Variants in ROBO1 observed in about 807,000 individuals in gnomAD.
ROBO1 encodes roundabout homolog 1.
A neutral mutation model predicts 195.9 loss-of-function variants in ROBO1; 149 were observed. That is an observed-to-expected ratio of 0.76 (90% CI 0.67 to 0.87). The LOEUF (loss-of-function observed/expected upper bound fraction) is 0.87. ROBO1 is among the 40% of genes least tolerant of loss of function. The pLI, the probability that ROBO1 is intolerant of heterozygous loss-of-function variation, is 0.00. For synonymous variants in ROBO1, 816 were observed against 733.2 expected, an observed-to-expected ratio of 1.11 and a Z score of -1.82; for missense variants, 1,933 against 2,068.3, an observed-to-expected ratio of 0.93 and a Z score of 1.27.
At chr3:79,033,068 A>G (rs1220758459) in intron 3 of ROBO1, among the ~76,000 whole-genome samples, 1 of 152,084 alleles carries the variant, frequency 6.6e-6, no homozygotes, top group Non-Finnish European at 1.5e-5. Flanking sequence ...ACAAATTTCA[A>G]AACTCCTAAG....
intron 4 of ROBO1, among the ~76,000 whole-genome samples, chr3:78,781,104 C>T (rs1230741666): frequency 1.3e-5 from 2 of 152,148 alleles, no homozygotes; most frequent in African/African-American, 4.8e-5. Flanking sequence ...AATATCACTA[C>T]TCTAAAACAA....
chr3:79,268,398 T>A (rs76950698), intron 2 of ROBO1, among the ~76,000 whole-genome samples: 5,664 of 151,686 alleles, frequency 0.037, 130 homozygotes, highest in Middle Eastern at 0.061. Flanking sequence ...ACATTTTCAT[T>A]TAAATATTTG....
chr3:79,393,937 G>T (rs1051420038), intron 2 of ROBO1, among the ~76,000 whole-genome samples: 3 of 152,074 alleles, frequency 2.0e-5, no homozygotes, highest in African/African-American at 7.2e-5. Context: ...TAGAAAAAAA[G>T]AATCCTGCAG....
intron 7 of ROBO1, 136 bp from the exon 8 acceptor site, chr3:78,714,660 C>A: frequency 1.4e-6 from 1 of 712,082 alleles, no homozygotes; most frequent in Non-Finnish European, 2.1e-6. Flanking sequence ...CATGGTATTC[C>A]TCTAAGTCAG....
chr3:79,352,608 G>A (rs2035387249), intron 2 of ROBO1, among the ~76,000 whole-genome samples: 1 of 152,140 alleles, frequency 6.6e-6, no homozygotes, highest in Non-Finnish European at 1.5e-5. Flanking sequence ...GAAGTGCTCT[G>A]TCACTACGAA....
chr3:78,757,846 C>G (rs1453031742), intron 4 of ROBO1, among the ~76,000 whole-genome samples: 1 of 152,164 alleles, frequency 6.6e-6, no homozygotes, highest in Non-Finnish European at 1.5e-5. Context: ...GACAGTCTGC[C>G]CTAAATCACT....
intron 1 of ROBO1, among the ~76,000 whole-genome samples, chr3:79,698,579 C>G (rs1947515532): frequency 6.6e-6 from 1 of 151,436 alleles, no homozygotes; most frequent in African/African-American, 2.4e-5. Flanking sequence ...CCTAAAGGTT[C>G]AATTGTGAAA....
At chr3:78,872,148 T>C (rs559892689) in intron 4 of ROBO1, among the ~76,000 whole-genome samples, 1 of 152,308 alleles carries the variant, frequency 6.6e-6, no homozygotes, top group African/African-American at 2.4e-5. Flanking sequence ...TGATTACATA[T>C]ACTCTAGCCT....
chr3:78,992,374 C>T (rs1049878290), intron 3 of ROBO1, among the ~76,000 whole-genome samples: 54 of 152,082 alleles, frequency 3.6e-4, no homozygotes, highest in African/African-American at 1.2e-3. Context: ...GAAGGGCTTA[C>T]ATTGTTAAGC....
intron 2 of ROBO1, among the ~76,000 whole-genome samples, chr3:79,156,157 C>G (rs2080854552): frequency 6.6e-6 from 1 of 151,460 alleles, no homozygotes; most frequent in Non-Finnish European, 1.5e-5. Flanking sequence ...TTTATTCTGC[C>G]CATCTCTGCT....
intron 4 of ROBO1, among the ~76,000 whole-genome samples, chr3:78,802,148 G>A (rs1474720785): frequency 1.3e-5 from 2 of 152,138 alleles, no homozygotes; most frequent in Non-Finnish European, 2.9e-5. Context: ...ATGAGAAGCA[G>A]AAAAGTTACA....
chr3:79,385,518 T>C (rs1559861948), intron 2 of ROBO1, among the ~76,000 whole-genome samples: 1 of 152,136 alleles, frequency 6.6e-6, no homozygotes, highest in Non-Finnish European at 1.5e-5. Flanking sequence ...ATGTGTTATC[T>C]TTCCGCAAGA....
chr3:79,600,181 A>G (rs531921979), intron 1 of ROBO1, among the ~76,000 whole-genome samples: 1 of 152,190 alleles, frequency 6.6e-6, no homozygotes, highest in East Asian at 1.9e-4. Context: ...ATCCTAGCTA[A>G]AGTGAATTCA....
At chr3:78,669,079 T>G (rs551947504) in intron 11 of ROBO1, among the ~76,000 whole-genome samples, 1 of 152,200 alleles carries the variant, frequency 6.6e-6, no homozygotes, top group Non-Finnish European at 1.5e-5. Context: ...TTAAAACTTG[T>G]AACTTAAGGC....
chr3:78,965,523 C>T lies in ROBO1; in HGVS notation c.173-26596G>A, dbSNP rs143184301. 1.2e-4 allele frequency among the ~76,000 whole-genome samples: 18 copies of T among 152,026 alleles called. 1 individual carries two copies. The East Asian group carries it at 3.3e-3, about 28-fold the overall frequency. On this transcript the variant is annotated intron_variant, in intron 3 of 30. Transcript: ENST00000464233. ...GGGGAAAGTTCTTTAGTGGGAAAAT[C>T]CCTTATACATCAAAAAACTCTTCAG...
At chr3:79,561,570 T>C (rs1664704748) in intron 2 of ROBO1, among the ~76,000 whole-genome samples, 1 of 152,186 alleles carries the variant, frequency 6.6e-6, no homozygotes. Context: ...GTAAATTTTA[T>C]GTAAGGCTCT....
chr3:79,164,235 G>T (rs1163051077), intron 2 of ROBO1, among the ~76,000 whole-genome samples: 1 of 152,118 alleles, frequency 6.6e-6, no homozygotes, highest in African/African-American at 2.4e-5. Flanking sequence ...CTCAACAAGA[G>T]TCCCTACATA....
At chr3:79,344,410 C>T (rs11924030) in intron 2 of ROBO1, among the ~76,000 whole-genome samples, 2,027 of 152,180 alleles carry the variant, frequency 0.013, 35 homozygotes, top group African/African-American at 0.045. Flanking sequence ...CAGCAAAGAA[C>T]GATTGGCCAG....
At chr3:78,885,909 TTA>T (rs10651992) in intron 4 of ROBO1, among the ~76,000 whole-genome samples, 9,488 of 117,580 alleles carry the variant, frequency 0.081, 343 homozygotes, top group African/African-American at 0.12. Flanking sequence ...TAGCAAAATT[TTA>T]TATATATATA....
Sources: allele counts gnomAD v4.1 joint callset (sites outside exome capture counted in the v4.1 genomes callset), GRCh38; gene constraint gnomAD v4.1.1; transcripts MANE v1.5; gene names NCBI Gene and HGNC (gene_info 2026-07-23, HGNC 2026-07-21).